Variants in SRGAP2C observed in about 807,000 individuals in gnomAD.
The protein encoded by SRGAP2C is SLIT-ROBO Rho GTPase-activating protein 2C.
Under a neutral mutation model 25.1 loss-of-function variants are expected in SRGAP2C, and 15 were observed. The ratio of observed to expected loss-of-function variants is 0.60; its 90% CI spans 0.40 to 0.92. The LOEUF (loss-of-function observed/expected upper bound fraction) is 0.92, where lower values mean the gene tolerates loss of function less well. SRGAP2C is among the 40% of genes least tolerant of loss of function. SRGAP2C has a pLI of 0.00. For synonymous variants in SRGAP2C, 44 were observed against 96.6 expected (o/e 0.46, Z 3.19); for missense variants, 144 against 264.4 (o/e 0.54, Z 3.16).
At chr1:121,305,115 C>A (rs1199231653) in intron 3 of SRGAP2C, among the ~76,000 whole-genome samples, 1 of 148,300 alleles carries the variant, frequency 6.7e-6, no homozygotes, top group Non-Finnish European at 1.5e-5. Context: ...TGGATTGAGA[C>A]CCTTGCCAGT....
intron 3 of SRGAP2C, among the ~76,000 whole-genome samples, chr1:121,286,487 G>A (rs1657369951): frequency 6.6e-6 from 1 of 151,212 alleles, no homozygotes; most frequent in Admixed American, 6.6e-5. Flanking sequence ...CAAACTCCTG[G>A]CCTTAAGTGA....
At chr1:121,285,402 T>TCACACACACA (rs1452003957) in intron 3 of SRGAP2C, among the ~76,000 whole-genome samples, 44,984 of 120,580 alleles carry the variant, frequency 0.37, 5,092 homozygotes, top group Non-Finnish European at 0.42. Flanking sequence ...TCTCTCTCTC[T>TCACACACACA]CTCACACACA....
intron 2 of SRGAP2C, among the ~76,000 whole-genome samples, chr1:121,260,249 G>A (rs1331023416): frequency 6.6e-6 from 1 of 151,156 alleles, no homozygotes; most frequent in Admixed American, 6.6e-5. Flanking sequence ...AAAATTTAAA[G>A]GAGGTAAGAG....
intron 4 of SRGAP2C, among the ~76,000 whole-genome samples, chr1:121,343,485 A>G (rs1658677262): frequency 7.0e-6 from 1 of 143,270 alleles, no homozygotes; most frequent in East Asian, 2.1e-4. Context: ...CCCAGGTTAG[A>G]TGTAAGGAAG....
At chr1:121,332,542 T>A (rs1277751579) in intron 4 of SRGAP2C, among the ~76,000 whole-genome samples, 4 of 152,132 alleles carry the variant, frequency 2.6e-5, no homozygotes, top group African/African-American at 7.2e-5. Context: ...TTAATACTTT[T>A]CTCCAGGGTC....
intron 4 of SRGAP2C, among the ~76,000 whole-genome samples, chr1:121,339,047 CT>C (rs1448660484): frequency 6.6e-6 from 1 of 151,352 alleles, no homozygotes. Context: ...TCCTTCCAAT[CT>C]TTTTTATACA....
intron 3 of SRGAP2C, among the ~76,000 whole-genome samples, chr1:121,313,621 G>T (rs1658014286): frequency 1.6e-5 from 2 of 127,736 alleles, no homozygotes; most frequent in Non-Finnish European, 1.7e-5. Context: ...GGCAGGCCTG[G>T]TGGTGACAAA....
intron 5 of SRGAP2C, among the ~76,000 whole-genome samples, chr1:121,372,323 AT>A (rs1293999107): frequency 1.3e-5 from 2 of 152,124 alleles, no homozygotes; most frequent in Non-Finnish European, 2.9e-5. Flanking sequence ...GGGCCAGATA[AT>A]TAATTGTTGT....
In SRGAP2C at chr1:121,303,541, T is replaced by G. The variant is rs1657746241; in HGVS notation, c.260+18546T>G. Among the ~76,000 whole-genome samples, 2 of 151,292 alleles carry G rather than the reference T, an allele frequency of 1.3e-5. 1 individual carries two copies. The highest frequency in any genetic ancestry group is 4.2e-4 in the South Asian group (2 of 4,748). On this transcript the variant is annotated intron_variant, in intron 3 of 9. Coordinates refer to ENST00000367123, the MANE Select transcript of SRGAP2C (RefSeq NM_001329984.2). ...TGACCATTTTTTCAGAGAGCCTCGGTTGCTTTTAGTGGGAAATGGTATTTA... is the reference window on the plus strand; with the variant it reads ...TGACCATTTTTTCAGAGAGCCTCGGGTGCTTTTAGTGGGAAATGGTATTTA...
chr1:121,275,321 G>C (rs1375063715), intron 2 of SRGAP2C, among the ~76,000 whole-genome samples: 21 of 100,902 alleles, frequency 2.1e-4, no homozygotes, highest in African/African-American at 8.1e-4. Flanking sequence ...ATATTTGCTG[G>C]GTTTGTTGGT....
intron 2 of SRGAP2C, among the ~76,000 whole-genome samples, chr1:121,238,674 T>A (rs1656016851): frequency 6.6e-6 from 1 of 151,714 alleles, no homozygotes; most frequent in South Asian, 2.1e-4. Context: ...AGTGCAGTAG[T>A]GTGATCATAG....
intron 3 of SRGAP2C, among the ~76,000 whole-genome samples, chr1:121,288,082 T>A (rs1231913535): frequency 7.0e-6 from 1 of 142,848 alleles, no homozygotes; most frequent in Non-Finnish European, 1.5e-5. Flanking sequence ...AGCCTGCTTT[T>A]AGTCTCTTAT....
intron 2 of SRGAP2C, among the ~76,000 whole-genome samples, chr1:121,236,692 CTCG>C (rs1655968938): frequency 6.6e-6 from 1 of 151,148 alleles, no homozygotes; most frequent in African/African-American, 2.4e-5. Flanking sequence ...ATTGGCCTGT[CTCG>C]TCAGGTTGGT....
At chr1:121,202,173 G>T (rs1254348332) in intron 2 of SRGAP2C, among the ~76,000 whole-genome samples, 1 of 152,082 alleles carries the variant, frequency 6.6e-6, no homozygotes, top group East Asian at 1.9e-4. Context: ...GAGACTTGAT[G>T]AATTGAACTC....
intron 3 of SRGAP2C, among the ~76,000 whole-genome samples, chr1:121,310,068 C>A: frequency 9.9e-5 from 1 of 10,144 alleles, no homozygotes; most frequent in Non-Finnish European, 2.0e-4. Flanking sequence ...TATTTCTCCA[C>A]ATCCTCTCCA....
intron 2 of SRGAP2C, among the ~76,000 whole-genome samples, chr1:121,238,317 C>T (rs1656007492): frequency 6.6e-6 from 1 of 151,326 alleles, no homozygotes; most frequent in African/African-American, 2.4e-5. Context: ...ATTGAGTTAC[C>T]ACATTAGAAT....
chr1:121,375,318 CTT>C (rs1231177207), intron 7 of SRGAP2C, among the ~76,000 whole-genome samples: 550 of 19,758 alleles, frequency 0.028, 13 homozygotes, highest in Non-Finnish European at 0.04. Context: ...TACTTTCTTC[CTT>C]TTTTTTTTTT....
chr1:121,347,141 A>G, intron 4 of SRGAP2C, among the ~76,000 whole-genome samples: 1 of 113,376 alleles, frequency 8.8e-6, no homozygotes, highest in African/African-American at 3.5e-5. Flanking sequence ...TTATTGGTTA[A>G]ATTCCCTACC....
intron 2 of SRGAP2C, among the ~76,000 whole-genome samples, chr1:121,225,714 A>T (rs201837073): frequency 2.1e-4 from 32 of 149,856 alleles, no homozygotes; most frequent in African/African-American, 3.0e-4. Flanking sequence ...ATGTTTTAAA[A>T]CTTTTTTTTT....
Sources: allele counts gnomAD v4.1 joint callset (sites outside exome capture counted in the v4.1 genomes callset), GRCh38; gene constraint gnomAD v4.1.1; transcripts MANE v1.5; gene names NCBI Gene and HGNC (gene_info 2026-07-23, HGNC 2026-07-21).